NTN1: variants seen among roughly 807,000 people sequenced by gnomAD.
NTN1 encodes netrin 1, also known as netrin-1.
A neutral mutation model predicts 54.2 loss-of-function variants in NTN1; 11 were observed. The ratio of observed to expected loss-of-function variants is 0.20; its 90% CI spans 0.13 to 0.34. The LOEUF (loss-of-function observed/expected upper bound fraction) is 0.34. NTN1 is among the 10% of genes least tolerant of loss of function. The pLI is 1.00. For missense variants in NTN1, 740 were observed against 893.1 expected (o/e 0.83, Z 2.18); for synonymous variants, 371 against 382.0 (o/e 0.97, Z 0.33).
chr17:9,114,166 A>AAAATATATATAT (rs1555569108), intron 2 of NTN1, among the ~76,000 whole-genome samples: 4 of 74,622 alleles, frequency 5.4e-5, no homozygotes, highest in African/African-American at 2.3e-4. Context: ...AAAAAAAAAA[A>AAAATATATATAT]ATATATATAT....
At chr17:9,058,831 G>A (rs1162543101) in intron 2 of NTN1, among the ~76,000 whole-genome samples, 1 of 151,992 alleles carries the variant, frequency 6.6e-6, no homozygotes, top group Non-Finnish European at 1.5e-5. Context: ...TTGTCTTTAA[G>A]GAGTTGAAGG....
intron 2 of NTN1, among the ~76,000 whole-genome samples, chr17:9,057,666 C>G (rs1207312840): frequency 2.0e-5 from 3 of 152,200 alleles, no homozygotes; most frequent in Admixed American, 6.5e-5. Context: ...TTTAAACCAT[C>G]AGGCACGAAG....
chr17:9,239,795 A>G lies in NTN1; in HGVS notation c.1642A>G (p.Lys548Glu), dbSNP rs1281955856. The G allele has an allele frequency of 6.2e-7, 1 of 1,613,800 alleles. No individual in the cohort carries two copies. The highest frequency in any genetic ancestry group is 8.5e-7 in the Non-Finnish European group (1 of 1,180,026). Residue 548 changes from lysine to glutamate, a missense_variant, in exon 7 of 7, where the codon AAA (lysine) becomes GAA (glutamate). Transcript: ENST00000173229. This position sits in a 1 kb window ranked among gnomAD's most constrained non-coding sequence, Gnocchi z 5.2. ...GCGGGACATCGCCTGCAAGTGTCCC[A>G]AAATCAAGCCCCTCAAGAAGTACCT... is the stretch of plus-strand genomic sequence containing the variant. ...RSRDIACKCP[K>E]IKPLKKYLLL... is the part of the protein sequence containing the mutation.
At chr17:9,133,899 C>CTTTTT (rs71361867) in intron 2 of NTN1, among the ~76,000 whole-genome samples, 17 of 85,444 alleles carry the variant, frequency 2.0e-4, no homozygotes, top group Middle Eastern at 0.011. Flanking sequence ...TGGGCCTAGC[C>CTTTTT]TTTTTTTTTT....
At chr17:9,100,921 T>C (rs1232824404) in intron 2 of NTN1, among the ~76,000 whole-genome samples, 1 of 152,218 alleles carries the variant, frequency 6.6e-6, no homozygotes, top group Non-Finnish European at 1.5e-5. Flanking sequence ...TTTTAGTTCA[T>C]GCTGTTCCTC....
the NTN1 span, among the ~76,000 whole-genome samples, chr17:9,006,504 G>C: frequency 6.6e-6 from 1 of 152,258 alleles, no homozygotes; most frequent in African/African-American, 2.4e-5. Context: ...CTCCCAATCC[G>C]GAGCCAGGAG....
intron 2 of NTN1, among the ~76,000 whole-genome samples, chr17:9,121,501 G>A (rs2092231675): frequency 6.6e-6 from 1 of 152,006 alleles, no homozygotes; most frequent in African/African-American, 2.4e-5. Flanking sequence ...TGACCTCTTG[G>A]CAGTTCTGTG....
At chr17:9,042,565 G>T (rs547436824) in intron 2 of NTN1, among the ~76,000 whole-genome samples, 2 of 151,244 alleles carry the variant, frequency 1.3e-5, no homozygotes, top group East Asian at 3.9e-4. Context: ...GAGGCGGGCA[G>T]ATCATGAGGT....
At chr17:9,061,675 TG>T (rs375359816) in intron 2 of NTN1, among the ~76,000 whole-genome samples, 91 of 151,244 alleles carry the variant, frequency 6.0e-4, no homozygotes, top group South Asian at 1.5e-3. Context: ...GCAGTTTTTT[TG>T]TTGTTGTTGT....
At position 9,084,917 on chromosome 17, in the gene NTN1, C is replaced by A. The variant is rs570841195; in HGVS notation, c.1018+61526C>A. Among the ~76,000 whole-genome samples, 3 of 152,220 alleles carry A rather than the reference C, an allele frequency of 2.0e-5. No homozygotes were observed. In the South Asian group the frequency reaches 6.2e-4, roughly 32 times the overall value. ...CTGCCTGCCTCGGCCTCCCAAAGTG[C>A]TGGATTACAGGCGTGAGCCACCGTG... On this transcript the variant is annotated intron_variant, in intron 2 of 6. Coordinates refer to ENST00000173229, the MANE Select transcript of NTN1 (RefSeq NM_004822.3).
intron 2 of NTN1, among the ~76,000 whole-genome samples, chr17:9,058,098 A>C (rs955313090): frequency 1.3e-5 from 2 of 152,144 alleles, no homozygotes; most frequent in Non-Finnish European, 2.9e-5. Context: ...CATGTTGCCC[A>C]GGCTGATCAG....
At chr17:9,132,315 TC>T (rs1357020086) in intron 2 of NTN1, among the ~76,000 whole-genome samples, 1 of 152,154 alleles carries the variant, frequency 6.6e-6, no homozygotes, top group Non-Finnish European at 1.5e-5. Context: ...TTCCTGCTGT[TC>T]CGCCTGCCAG....
chr17:9,116,529 T>C (rs1368405192), intron 2 of NTN1, among the ~76,000 whole-genome samples: 1 of 152,222 alleles, frequency 6.6e-6, no homozygotes, highest in Non-Finnish European at 1.5e-5. Context: ...ATCTCTCTGA[T>C]TTCCCCTTAT....
intron 5 of NTN1, among the ~76,000 whole-genome samples, chr17:9,193,523 A>G (rs750032845): frequency 6.6e-6 from 1 of 152,254 alleles, no homozygotes; most frequent in Non-Finnish European, 1.5e-5. Flanking sequence ...TCACAAAATT[A>G]ACAATGCATT....
chr17:9,139,891 T>TCATC (rs112076882), intron 2 of NTN1, among the ~76,000 whole-genome samples: 17,105 of 151,000 alleles, frequency 0.11, 2,032 homozygotes, highest in African/African-American at 0.31. Flanking sequence ...ATTTATTCAT[T>TCATC]CATCCATTCA....
intron 2 of NTN1, among the ~76,000 whole-genome samples, chr17:9,156,409 G>A (rs1348475657): frequency 6.6e-6 from 1 of 152,140 alleles, no homozygotes; most frequent in Non-Finnish European, 1.5e-5. Flanking sequence ...TCACCAAATG[G>A]CCTTCCTGCT....
At chr17:9,144,909 AC>A (rs2092308879) in intron 2 of NTN1, among the ~76,000 whole-genome samples, 1 of 151,880 alleles carries the variant, frequency 6.6e-6, no homozygotes, top group Non-Finnish European at 1.5e-5. Flanking sequence ...GGACCCCAGG[AC>A]CCCCTGGAGA....
At chr17:9,156,745 T>G (rs554775833) in intron 2 of NTN1, among the ~76,000 whole-genome samples, 2 of 152,160 alleles carry the variant, frequency 1.3e-5, no homozygotes, top group Non-Finnish European at 2.9e-5. Context: ...GAAGTTAAAT[T>G]GATGAGTTAA....
At chr17:9,098,518 G>A (rs945433065) in intron 2 of NTN1, among the ~76,000 whole-genome samples, 1 of 152,264 alleles carries the variant, frequency 6.6e-6, no homozygotes, top group Non-Finnish European at 1.5e-5. Context: ...GGTGGAAACA[G>A]AGACTGCTGA....
Sources: gnomAD v4.1 joint callset for allele counts (sites outside exome capture counted in the v4.1 genomes callset) on GRCh38, gnomAD v4.1.1 for gene constraint, Gnocchi (gnomAD v3.1) non-coding constraint, MANE v1.5 for transcripts, NCBI Gene and HGNC (gene_info 2026-07-23, HGNC 2026-07-21) for gene names.